Variants in CRTAM observed in about 807,000 individuals in gnomAD.
The protein encoded by CRTAM is cytotoxic and regulatory T-cell molecule.
CRTAM carries 44 observed loss-of-function variants against 50.0 expected under a neutral mutation model. The observed-to-expected ratio is 0.88, with a 90% CI of 0.69 to 1.13. CRTAM has a LOEUF of 1.13. Ranked by LOEUF, CRTAM falls within the 50% of genes most tolerant of loss-of-function variation. The pLI, the probability that CRTAM is intolerant of heterozygous loss-of-function variation, is 0.00. For synonymous variants in CRTAM, 159 were observed against 169.3 expected (o/e 0.94, Z 0.47); for missense variants, 448 against 457.5 (o/e 0.98, Z 0.19).
At chr11:122,870,808 G>A (rs922431361) in intron 9 of CRTAM, among the ~76,000 whole-genome samples, 3 of 152,248 alleles carry the variant, frequency 2.0e-5, no homozygotes, top group African/African-American at 7.2e-5. Context: ...GGCCAGTGCA[G>A]TGGCTTATGC....
intron 6 of CRTAM, 31 bp downstream of exon 6, chr11:122,862,575 T>TA (rs1457967688): frequency 5.2e-6 from 7 of 1,347,810 alleles, no homozygotes; most frequent in Non-Finnish European, 6.3e-6. Flanking sequence ...AACTTGTTTT[T>TA]AAAAAATCAC....
At chr11:122,847,512 T>C (rs1018246577) in intron 1 of CRTAM, among the ~76,000 whole-genome samples, 1 of 152,138 alleles carries the variant, frequency 6.6e-6, no homozygotes, top group African/African-American at 2.4e-5. Context: ...TAGGGAGACG[T>C]GATGTGACAC....
Position 122,865,892 on chromosome 11 carries a change from C to G in CRTAM, c.817+1173C>G, listed in dbSNP as rs57081545. On this transcript the variant is annotated intron_variant, in intron 7 of 9. Coordinates refer to ENST00000227348, the MANE Select transcript of CRTAM (RefSeq NM_019604.4). Reference sequence around the variant, plus strand: ...TATAAAATCAGTCAATTTCCAAGAACTTTTGAGTCTTGTCTTTCAGGTATT... The same window carrying G: ...TATAAAATCAGTCAATTTCCAAGAAGTTTTGAGTCTTGTCTTTCAGGTATT... 9.1e-3 allele frequency among the ~76,000 whole-genome samples: 1,383 copies of G among 152,198 alleles called. 23 individuals are homozygous for G. Among genetic ancestry groups the G allele is most frequent in the African/African-American group, 0.03 (1,258 of 41,532 alleles).
intron 2 of CRTAM, among the ~76,000 whole-genome samples, chr11:122,850,987 C>T (rs946414611): frequency 4.6e-5 from 7 of 152,168 alleles, no homozygotes; most frequent in African/African-American, 1.2e-4. Context: ...GCTGGCTGGG[C>T]GTGGTGGCTC....
chr11:122,855,589 G>T lies in CRTAM; in HGVS notation c.491-106G>T, dbSNP rs936381300. The T allele has an allele frequency of 1.1e-5, 10 of 934,996 alleles. No individual in the cohort carries two copies. In the African/African-American group the frequency reaches 1.3e-4, roughly 12 times the overall value. The allele number at this position is 934,996 out of a possible 1,614,324, so 57.9% of individuals were successfully genotyped here. A position where few individuals can be genotyped will look rare whatever the true frequency, so the allele number is the denominator to read the frequency against. On this transcript the variant is annotated intron_variant, in intron 4 of 9. Coordinates refer to ENST00000227348, the MANE Select transcript of CRTAM (RefSeq NM_019604.4). Reference sequence around the variant, plus strand: ...GGGAACTGGCTGAGGTTAGAATGAGGTTAGAAATCTAATGTTTGCCATGAA... The same window carrying T: ...GGGAACTGGCTGAGGTTAGAATGAGTTTAGAAATCTAATGTTTGCCATGAA...
intron 5 of CRTAM, among the ~76,000 whole-genome samples, chr11:122,859,778 T>C (rs949558415): frequency 2.0e-5 from 3 of 152,220 alleles, no homozygotes; most frequent in Non-Finnish European, 2.9e-5. Flanking sequence ...TACTGTTATA[T>C]TAAAACCCAC....
intron 2 of CRTAM, 66 bp downstream of exon 2, chr11:122,850,280 G>A: frequency 6.8e-7 from 1 of 1,475,842 alleles, no homozygotes; most frequent in Non-Finnish European, 9.1e-7. Flanking sequence ...CAGCCGGACA[G>A]TTTGGTGGGA....
intron 9 of CRTAM, among the ~76,000 whole-genome samples, chr11:122,870,873 G>A (rs1043328288): frequency 1.3e-5 from 2 of 152,110 alleles, no homozygotes; most frequent in Non-Finnish European, 2.9e-5. Flanking sequence ...GAGCCCAGGT[G>A]TTTGAGACCA....
intron 1 of CRTAM, among the ~76,000 whole-genome samples, chr11:122,840,665 TC>T (rs1365102314): frequency 1.3e-5 from 2 of 152,162 alleles, no homozygotes; most frequent in Non-Finnish European, 2.9e-5. Context: ...CATGTTGCTT[TC>T]TTGTCAGCAA....
At chr11:122,857,403 A>C (rs1476959402) in intron 5 of CRTAM, among the ~76,000 whole-genome samples, 1 of 152,198 alleles carries the variant, frequency 6.6e-6, no homozygotes. Flanking sequence ...CGAGAGGCGG[A>C]GTTTACAGTA....
intron 6 of CRTAM, 41 bp downstream of exon 6, chr11:122,862,585 C>G (rs367559366): frequency 8.0e-7 from 1 of 1,249,342 alleles, no homozygotes; most frequent in Non-Finnish European, 1.1e-6. Context: ...TAAAAAATCA[C>G]GTTTCCTTGG....
intron 5 of CRTAM, among the ~76,000 whole-genome samples, chr11:122,856,225 A>G (rs1862005479): frequency 6.6e-6 from 1 of 152,258 alleles, no homozygotes; most frequent in Non-Finnish European, 1.5e-5. Context: ...GCTGAAATAA[A>G]CCTAAATTGT....
rs530015215 is a variant in CRTAM, at chr11:122,851,604, C to T, written c.194-89C>T. Reference sequence around the variant, plus strand: ...TTTTGATTGTGCCAAATGTAGAAAGCGGGGCAGTGCTTCTGGCATCTACTG... The same window carrying T: ...TTTTGATTGTGCCAAATGTAGAAAGTGGGGCAGTGCTTCTGGCATCTACTG... On this transcript the variant is annotated intron_variant, in intron 2 of 9. Coordinates refer to ENST00000227348, the MANE Select transcript of CRTAM (RefSeq NM_019604.4). 28 of 1,130,026 alleles carry T rather than the reference C, an allele frequency of 2.5e-5. 1 individual carries two copies. The highest frequency in any genetic ancestry group is 2.1e-4 in the Middle Eastern group (1 of 4,878). 70.0% of individuals were successfully genotyped at this position (1,130,026 alleles called of 1,614,324 possible).
At chr11:122,865,631 A>G (rs535237355) in intron 7 of CRTAM, among the ~76,000 whole-genome samples, 1 of 152,138 alleles carries the variant, frequency 6.6e-6, no homozygotes, top group African/African-American at 2.4e-5. Flanking sequence ...CCTCCTCAGC[A>G]TTGCTCCCAA....
intron 9 of CRTAM, 64 bp downstream of exon 9, chr11:122,868,163 T>C: frequency 9.9e-7 from 1 of 1,008,974 alleles, no homozygotes; most frequent in Non-Finnish European, 1.6e-6. Context: ...GTCAGATTTC[T>C]CCAGAGAGAC....
chr11:122,844,170 C>T (rs1481995226), intron 1 of CRTAM, among the ~76,000 whole-genome samples: 1 of 152,186 alleles, frequency 6.6e-6, no homozygotes, highest in Non-Finnish European at 1.5e-5. Flanking sequence ...ACATACAGTA[C>T]TTTAGTGTAT....
intron 4 of CRTAM, among the ~76,000 whole-genome samples, chr11:122,855,213 G>C (rs1472726448): frequency 1.9e-4 from 29 of 152,126 alleles, no homozygotes; most frequent in Non-Finnish European, 7.4e-5. Flanking sequence ...CAGAGTGCTG[G>C]GATTACAGGC....
intron 1 of CRTAM, among the ~76,000 whole-genome samples, chr11:122,842,498 C>T (rs1044436278): frequency 3.9e-5 from 6 of 152,140 alleles, no homozygotes; most frequent in African/African-American, 9.7e-5. Context: ...AGGCTGGTCT[C>T]GAACTCCTGA....
At chr11:122,854,251 C>T (rs936022894) in intron 4 of CRTAM, among the ~76,000 whole-genome samples, 165 bp downstream of exon 4, 1 of 152,138 alleles carries the variant, frequency 6.6e-6, no homozygotes, top group African/African-American at 2.4e-5. Context: ...CAATTTTATG[C>T]CTTAATCTTG....
Sources: allele counts gnomAD v4.1 joint callset (sites outside exome capture counted in the v4.1 genomes callset), GRCh38; gene constraint gnomAD v4.1.1; transcripts MANE v1.5; gene names NCBI Gene and HGNC (gene_info 2026-07-23, HGNC 2026-07-21).